FLOT1: variants seen among roughly 807,000 people sequenced by gnomAD.
The protein encoded by FLOT1 is flotillin-1.
In FLOT1, 40 loss-of-function variants were observed where a neutral mutation model predicts 58.4. That is an observed-to-expected ratio of 0.69 (90% CI 0.53 to 0.89). FLOT1 has a LOEUF of 0.89. Among genes scored for constraint, FLOT1 ranks in the 40% least tolerant of loss-of-function variants. The pLI is 0.00. For missense variants in FLOT1, 423 were observed against 540.8 expected, an observed-to-expected ratio of 0.78 and a Z score of 2.16; for synonymous variants, 178 against 204.2, an observed-to-expected ratio of 0.87 and a Z score of 1.09.
At chr6:30,729,899 C>T (rs893122065) in intron 12 of FLOT1, 123 bp downstream of exon 12, 5 of 834,434 alleles carry the variant, frequency 6.0e-6, no homozygotes, top group South Asian at 3.2e-5. Context: ...GTGTCTGGCA[C>T]ACAGAAAGTG....
chr6:30,741,933 G>T lies in FLOT1; in HGVS notation c.44-66C>A. The T allele has an allele frequency of 2.0e-6, 3 of 1,465,760 alleles. No individual in the cohort carries two copies. The highest frequency in any genetic ancestry group is 2.9e-6 in the Non-Finnish European group (3 of 1,050,706). 90.8% of individuals were successfully genotyped at this position (1,465,760 alleles called of 1,614,324 possible). ...AATGTGGAAGACTGAGGAACTGGCGGGGGTGAGGGGACAGCAACCCACAGG... is the reference window on the plus strand; with the variant it reads ...AATGTGGAAGACTGAGGAACTGGCGTGGGTGAGGGGACAGCAACCCACAGG... On this transcript the variant is annotated intron_variant, in intron 2 of 12. Transcript: ENST00000376389. The surrounding 1 kb of genome is among the most constrained non-coding windows in gnomAD (Gnocchi z 5.9).
intron 8 of FLOT1, among the ~76,000 whole-genome samples, chr6:30,738,877 C>T (rs1364878637): frequency 1.3e-5 from 2 of 152,160 alleles, no homozygotes; most frequent in African/African-American, 4.8e-5. Context: ...ACACGGCTTA[C>T]GGTATGAGAG....
chr6:30,736,523 T>C (rs1004079474), intron 8 of FLOT1: 8 of 143,976 alleles, frequency 5.6e-5, no homozygotes, highest in African/African-American at 2.1e-4. Context: ...TTGGCTTTAG[T>C]GAGGTTTTAG....
chr6:30,739,843 G>C, intron 8 of FLOT1, among the ~76,000 whole-genome samples: 1 of 151,096 alleles, frequency 6.6e-6, no homozygotes, highest in East Asian at 2.0e-4. Context: ...TGTATTTTTC[G>C]CATAGACACG....
At chr6:30,739,441 C>A (rs1328293522) in intron 8 of FLOT1, among the ~76,000 whole-genome samples, 1 of 151,842 alleles carries the variant, frequency 6.6e-6, no homozygotes, top group Non-Finnish European at 1.5e-5. Context: ...GTGGTCTCAG[C>A]TCACTGCAAC....
At chr6:30,735,781 C>T (rs983037414) in intron 8 of FLOT1, among the ~76,000 whole-genome samples, 21 of 152,356 alleles carry the variant, frequency 1.4e-4, no homozygotes, top group African/African-American at 4.3e-4. Flanking sequence ...CAGTCTACCA[C>T]AGCTGGAGAA....
Position 30,736,890 on chromosome 6 carries a change from G to A in FLOT1, c.723+3268C>T, listed in dbSNP as rs550745015. Reference sequence around the variant, plus strand: ...TTACAGGTGTGAACCACCGCACCCGGCCTTGCTTCCTCTCTTTGCCCGTTC... The same window carrying A: ...TTACAGGTGTGAACCACCGCACCCGACCTTGCTTCCTCTCTTTGCCCGTTC... On this transcript the variant is annotated intron_variant, in intron 8 of 12. Coordinates refer to ENST00000376389, the MANE Select transcript of FLOT1 (RefSeq NM_005803.4). 9.9e-5 allele frequency among the ~76,000 whole-genome samples: 15 copies of A among 152,042 alleles called. 1 individual carries two copies. In the East Asian group the frequency reaches 1.8e-3, roughly 18 times the overall value.
At position 30,737,318 on chromosome 6, in the gene FLOT1, C is replaced by T. The variant is rs937381058; in HGVS notation, c.723+2840G>A. Among the ~76,000 whole-genome samples the T allele has an allele frequency of 2.6e-5, 4 of 152,016 alleles. No homozygotes were observed. Among genetic ancestry groups the T allele is most frequent in the African/African-American group, 4.8e-5 (2 of 41,406 alleles). On this transcript the variant is annotated intron_variant, in intron 8 of 12. Coordinates refer to ENST00000376389, the MANE Select transcript of FLOT1 (RefSeq NM_005803.4). The surrounding 1 kb of genome is among the most constrained non-coding windows in gnomAD (Gnocchi z 4.4). ...TCGCTCTGTCGCCCAGGCTGGAGTG[C>T]GGTGGCGCAATCTCGGCTCACTGTG...
rs559536529 is a variant in FLOT1, at chr6:30,742,133, A to C, written c.43+14T>G. On this transcript the variant is annotated intron_variant, in intron 2 of 12. Coordinates refer to ENST00000376389, the MANE Select transcript of FLOT1 (RefSeq NM_005803.4). The surrounding 1 kb of genome is among the most constrained non-coding windows in gnomAD (Gnocchi z 5.2). ...TCTGGGGTCACTGGCTGGGAAGGGA[A>C]CAACAGTACTTACCGGAGACCACCA... 3 of 1,612,050 alleles carry C rather than the reference A, an allele frequency of 1.9e-6. No individual in the cohort carries two copies. Among genetic ancestry groups the C allele is most frequent in the South Asian group, 1.1e-5 (1 of 91,072 alleles).
At position 30,741,903 on chromosome 6, in the gene FLOT1, G is replaced by C; in HGVS notation, c.44-36C>G. 6.3e-7 allele frequency: 1 copy of C among 1,589,280 alleles called. No homozygotes were observed. Among genetic ancestry groups the C allele is most frequent in the African/African-American group, 1.3e-5 (1 of 74,530 alleles). ...TGGGGCAGTGAGGAACGGTGGCAGA[G>C]CTTGAATGTGGAAGACTGAGGAACT... On this transcript the variant is annotated intron_variant, in intron 2 of 12. Coordinates refer to ENST00000376389, the MANE Select transcript of FLOT1 (RefSeq NM_005803.4). This position sits in a 1 kb window ranked among gnomAD's most constrained non-coding sequence, Gnocchi z 5.9.
rs540464383 is a variant in FLOT1 at position 30,730,205 on chromosome 6, C to A, written c.1090-19G>T. On this transcript the variant is annotated intron_variant, in intron 11 of 12. Coordinates refer to ENST00000376389, the MANE Select transcript of FLOT1 (RefSeq NM_005803.4). ...CTGCCACCTGGCAGGAGAGAGACAC[C>A]CACTCAGTGCCCATGATCTGACCAC... The A allele has an allele frequency of 1.2e-6, 2 of 1,612,148 alleles. No homozygotes were observed. The highest frequency in any genetic ancestry group is 1.3e-5 in the African/African-American group (1 of 74,866).
At chr6:30,729,645 G>A (rs1226382084) in intron 12 of FLOT1, among the ~76,000 whole-genome samples, 2 of 152,178 alleles carry the variant, frequency 1.3e-5, no homozygotes, top group Non-Finnish European at 2.9e-5. Context: ...TAACTGGGGC[G>A]CTGAGAAAAG....
rs751437548 is a variant in FLOT1, at chr6:30,742,199, T to C, written c.-10A>G. 1 of 1,612,858 alleles carries C rather than the reference T, an allele frequency of 6.2e-7. No homozygotes were observed. Among genetic ancestry groups the C allele is most frequent in the Non-Finnish European group, 8.5e-7 (1 of 1,179,918 alleles). ...CACAAGTGAAAAACATGGTTCAGGC[T>C]GGAGCTGGAGGAGAGGGAGGGAAAG... On this transcript the variant is annotated 5_prime_UTR_variant, in exon 2 of 13. Transcript: ENST00000376389. This position sits in a 1 kb window ranked among gnomAD's most constrained non-coding sequence, Gnocchi z 5.2.
rs908312726 is a variant in FLOT1, at chr6:30,737,686, C to T, written c.723+2472G>A. ...CCTCATAGAAACTTTCTCTACCACC[C>T]GCTAACCTAATATACTAACTCCCCT... On this transcript the variant is annotated intron_variant, in intron 8 of 12. Coordinates refer to ENST00000376389, the MANE Select transcript of FLOT1 (RefSeq NM_005803.4). This position sits in a 1 kb window ranked among gnomAD's most constrained non-coding sequence, Gnocchi z 4.4. 3.3e-5 allele frequency among the ~76,000 whole-genome samples: 5 copies of T among 152,142 alleles called. No individual in the cohort carries two copies. The highest frequency in any genetic ancestry group is 7.2e-5 in the African/African-American group (3 of 41,424).
Sources: gnomAD v4.1 joint callset for allele counts (sites outside exome capture counted in the v4.1 genomes callset) on GRCh38, gnomAD v4.1.1 for gene constraint, Gnocchi (gnomAD v3.1) non-coding constraint, MANE v1.5 for transcripts, NCBI Gene and HGNC (gene_info 2026-07-23, HGNC 2026-07-21) for gene names.